Variants in WASHC4 observed in about 807,000 individuals in gnomAD.
The protein encoded by WASHC4 is WASH complex subunit 4.
Under a neutral mutation model 166.6 loss-of-function variants are expected in WASHC4, and 86 were observed. The ratio of observed to expected loss-of-function variants is 0.52; its 90% confidence interval spans 0.43 to 0.62. WASHC4 has a LOEUF of 0.62. Among genes scored for constraint, WASHC4 ranks in the 20% least tolerant of loss-of-function variants. WASHC4 has a pLI of 0.00. For missense variants in WASHC4, 1,262 were observed against 1,382.4 expected, an observed-to-expected ratio of 0.91 and a Z score of 1.38; for synonymous variants, 446 against 451.6, an observed-to-expected ratio of 0.99 and a Z score of 0.16.
rs1315978014 is a variant in WASHC4, at chr12:105,168,885, ATTAATT to A, written c.*1958_*1963del. 9 of 152,414 alleles carry A rather than the reference ATTAATT, an allele frequency of 5.9e-5. No individual in the cohort carries two copies. Among genetic ancestry groups the A allele is most frequent in the African/African-American group, 1.7e-4 (7 of 41,340 alleles). 9.4% of individuals were successfully genotyped at this position (152,414 alleles called of 1,614,324 possible). A position where few individuals can be genotyped will look rare whatever the true frequency, so the allele number is the denominator to read the frequency against. ...GATGATTTTTCTTGATAACATTAAC[ATTAATT>A]TTATTTTTTCAGACATACTGTAATT... On this transcript the variant is annotated 3_prime_UTR_variant, in exon 33 of 33. Transcript: ENST00000332180.
intron 2 of WASHC4, among the ~76,000 whole-genome samples, chr12:105,112,291 TATCCATTCATCAGTTGATAGACATTGG>T (rs1879767894): frequency 6.6e-6 from 1 of 152,254 alleles, no homozygotes; most frequent in South Asian, 2.1e-4. Context: ...ACATTTTATT[TATCCATTCATCAGTTGATAGACATTGG>T]ATTTTTCTAC....
intron 9 of WASHC4, 83 bp downstream of exon 9, chr12:105,121,287 T>TA: frequency 1.2e-6 from 1 of 843,492 alleles, no homozygotes; most frequent in African/African-American, 1.7e-5. Context: ...ATATAAATAA[T>TA]ACAGATTTTC....
At chr12:105,128,613 T>C (rs981263885) in intron 13 of WASHC4, among the ~76,000 whole-genome samples, 1 of 152,182 alleles carries the variant, frequency 6.6e-6, no homozygotes, top group African/African-American at 2.4e-5. Context: ...GAAATGCTCA[T>C]TGGAGCATTT....
chr12:105,152,527 T>A, intron 26 of WASHC4, 76 bp downstream of exon 26: 1 of 862,748 alleles, frequency 1.2e-6, no homozygotes, highest in Non-Finnish European at 2.0e-6. Flanking sequence ...TATTTCACAC[T>A]AATAAGCAGC....
intron 13 of WASHC4, among the ~76,000 whole-genome samples, chr12:105,129,363 C>T (rs1373986379): frequency 2.0e-5 from 3 of 152,190 alleles, no homozygotes; most frequent in African/African-American, 4.8e-5. Context: ...GGATTATAGG[C>T]GTGAGCCATC....
At chr12:105,125,227 T>C (rs773662685) in intron 10 of WASHC4, among the ~76,000 whole-genome samples, 12 of 152,226 alleles carry the variant, frequency 7.9e-5, no homozygotes, top group East Asian at 1.9e-4. Context: ...GGTCCACTTA[T>C]ATACAGATTG....
At chr12:105,120,320 C>T (rs985697412) in intron 7 of WASHC4, among the ~76,000 whole-genome samples, 1 of 152,116 alleles carries the variant, frequency 6.6e-6, no homozygotes, top group East Asian at 1.9e-4. Flanking sequence ...TAGGTTGGTG[C>T]AAGAATTATT....
At chr12:105,151,635 C>A (rs1046989440) in intron 25 of WASHC4, among the ~76,000 whole-genome samples, 9 of 152,050 alleles carry the variant, frequency 5.9e-5, no homozygotes, top group Non-Finnish European at 7.4e-5. Context: ...GTGCACACCA[C>A]CACACCCAGC....
chr12:105,114,488 TTATA>T (rs1278585529), intron 4 of WASHC4, 61 bp downstream of exon 4: 35 of 1,054,460 alleles, frequency 3.3e-5, no homozygotes, highest in Non-Finnish European at 4.9e-5. Context: ...AAGTATGTGT[TTATA>T]TATGTACAGT....
At position 105,122,219 on chromosome 12, in the gene WASHC4, T is replaced by C. The variant is rs1426773664; in HGVS notation, c.767T>C (p.Leu256Pro). 1 of 1,612,728 alleles carries C rather than the reference T, an allele frequency of 6.2e-7. No individual in the cohort carries two copies. ...TTGCTGAAGCTAGAAGGGCAATTAC[T>C]GGATGGAATGATATTCCAGGTAAGT... is the stretch of plus-strand genomic sequence containing the variant. ...KFLLKLEGQL[L>P]DGMIFQACIE... is the part of the protein sequence containing the mutation. Residue 256 changes from leucine to proline, a missense_variant, in exon 10 of 33, where the codon CTG becomes CCG. Transcript: ENST00000332180.
At chr12:105,115,276 A>C (rs1880071201) in intron 5 of WASHC4, 47 bp downstream of exon 5, 1 of 1,147,146 alleles carries the variant, frequency 8.7e-7, no homozygotes, top group Admixed American at 1.7e-5. Flanking sequence ...TATTGAAATG[A>C]ACAAAAAGTT....
intron 7 of WASHC4, among the ~76,000 whole-genome samples, chr12:105,119,114 C>T (rs1157147180): frequency 6.6e-6 from 1 of 152,164 alleles, no homozygotes; most frequent in Admixed American, 6.5e-5. Context: ...ACCACCTCTC[C>T]ATCCAGAAAA....
chr12:105,108,044 C>T (rs1879250127), intron 1 of WASHC4, among the ~76,000 whole-genome samples, 183 bp downstream of exon 1: 1 of 152,180 alleles, frequency 6.6e-6, no homozygotes, highest in Admixed American at 6.5e-5. Flanking sequence ...GGGTCCCAGC[C>T]ACGGCGGGTC....
intron 25 of WASHC4, among the ~76,000 whole-genome samples, chr12:105,151,320 A>G (rs1379920028): frequency 6.6e-6 from 1 of 152,164 alleles, no homozygotes; most frequent in African/African-American, 2.4e-5. Flanking sequence ...TTGATTTGCC[A>G]TATGCGGAAC....
intron 22 of WASHC4, 63 bp from the exon 23 acceptor site, chr12:105,146,389 A>G (rs1323663833): frequency 5.1e-6 from 5 of 982,610 alleles, no homozygotes; most frequent in Non-Finnish European, 8.2e-6. Context: ...CATTATGCTG[A>G]TACAAGTTTA....
chr12:105,148,306 T>C (rs1256184983), intron 24 of WASHC4: 2 of 985,270 alleles, frequency 2.0e-6, no homozygotes, highest in Admixed American at 1.2e-4. Context: ...TAAATAAAAC[T>C]GAACTTTTGA....
intron 15 of WASHC4, among the ~76,000 whole-genome samples, chr12:105,138,296 A>T (rs1882494935): frequency 6.6e-6 from 1 of 152,014 alleles, no homozygotes; most frequent in South Asian, 2.1e-4. Flanking sequence ...AGAAAATGGA[A>T]AAGTTAACTT....
intron 26 of WASHC4, among the ~76,000 whole-genome samples, chr12:105,152,905 G>T (rs1002066643): frequency 6.6e-6 from 1 of 151,538 alleles, no homozygotes; most frequent in Non-Finnish European, 1.5e-5. Flanking sequence ...CTGCCCTTAC[G>T]AGTGGAACTT....
chr12:105,134,880 G>A (rs1882173391), intron 14 of WASHC4, among the ~76,000 whole-genome samples: 1 of 151,282 alleles, frequency 6.6e-6, no homozygotes, highest in African/African-American at 2.4e-5. Flanking sequence ...CACTTGTTCT[G>A]TGTCCCTTTT....
Sources: gnomAD v4.1 joint callset for allele counts (sites outside exome capture counted in the v4.1 genomes callset) on GRCh38, gnomAD v4.1.1 for gene constraint, MANE v1.5 for transcripts, NCBI Gene and HGNC (gene_info 2026-07-23, HGNC 2026-07-21) for gene names.